CATSPERT: variants seen among roughly 807,000 people sequenced by gnomAD.
CATSPERT encodes the protein catsper channel auxiliary subunit tau.
chr2:201,553,308 A>G, the CATSPERT span: 1 of 152,206 alleles, frequency 6.6e-6, no homozygotes. Flanking sequence ...GCAAACATAT[A>G]CTTCAAGCTC....
the CATSPERT span, among the ~76,000 whole-genome samples, chr2:201,513,068 A>C: frequency 6.6e-6 from 1 of 151,616 alleles, no homozygotes; most frequent in Middle Eastern, 3.2e-3. Flanking sequence ...GTACCCTAAA[A>C]CTTAAAGTAT....
At chr2:201,615,368 A>G in the CATSPERT span, among the ~76,000 whole-genome samples, 2 of 152,264 alleles carry the variant, frequency 1.3e-5, no homozygotes, top group Non-Finnish European at 2.9e-5. Flanking sequence ...CTCAGACCAC[A>G]GCATAATCAA....
the CATSPERT span, among the ~76,000 whole-genome samples, chr2:201,602,293 T>A: frequency 6.6e-6 from 1 of 152,160 alleles, no homozygotes; most frequent in Non-Finnish European, 1.5e-5. Flanking sequence ...TCTAATTCAC[T>A]TAAGAATATA....
At chr2:201,580,375 G>GT in the CATSPERT span, among the ~76,000 whole-genome samples, 1 of 152,112 alleles carries the variant, frequency 6.6e-6, no homozygotes, top group Admixed American at 6.6e-5. Context: ...TTACCTAATG[G>GT]TTTTTAGTGC....
At chr2:201,616,982 C>T in the CATSPERT span, among the ~76,000 whole-genome samples, 2 of 152,188 alleles carry the variant, frequency 1.3e-5, no homozygotes, top group Non-Finnish European at 1.5e-5. Flanking sequence ...AATAAAATAC[C>T]TAGGAATCCA....
the CATSPERT span, among the ~76,000 whole-genome samples, chr2:201,488,749 G>A: frequency 5.9e-5 from 9 of 152,216 alleles, no homozygotes; most frequent in East Asian, 1.7e-3. Context: ...GGAACATTGG[G>A]CAGGACTAAT....
At chr2:201,543,717 C>T in the CATSPERT span, among the ~76,000 whole-genome samples, 1 of 152,050 alleles carries the variant, frequency 6.6e-6, no homozygotes, top group Non-Finnish European at 1.5e-5. Flanking sequence ...TGCAACTTTA[C>T]TGAATTCATG....
At chr2:201,507,529 T>C in the CATSPERT span, among the ~76,000 whole-genome samples, 3,427 of 152,264 alleles carry the variant, frequency 0.023, 61 homozygotes, top group Middle Eastern at 0.068. Context: ...AAAAAGCAGA[T>C]ATGTGTGTTC....
At chr2:201,525,745 G>A in the CATSPERT span, among the ~76,000 whole-genome samples, 1 of 152,000 alleles carries the variant, frequency 6.6e-6, no homozygotes, top group Non-Finnish European at 1.5e-5. Flanking sequence ...GAAAAAGAGA[G>A]AAGATCCAAA....
chr2:201,497,928 AT>A, the CATSPERT span, among the ~76,000 whole-genome samples: 1 of 152,216 alleles, frequency 6.6e-6, no homozygotes, highest in African/African-American at 2.4e-5. Flanking sequence ...AGCTACCAGG[AT>A]CTAGAACTTT....
At chr2:201,601,963 G>T in the CATSPERT span, 3 of 1,041,646 alleles carry the variant, frequency 2.9e-6, no homozygotes, top group African/African-American at 1.6e-5. Flanking sequence ...TACATTAAAC[G>T]ATTCAGACCA....
the CATSPERT span, among the ~76,000 whole-genome samples, chr2:201,524,337 G>T: frequency 6.6e-6 from 1 of 152,110 alleles, no homozygotes; most frequent in Non-Finnish European, 1.5e-5. Context: ...TTAAAGAAAA[G>T]AAATTCCAAC....
the CATSPERT span, among the ~76,000 whole-genome samples, chr2:201,544,507 A>T: frequency 6.6e-6 from 1 of 151,298 alleles, no homozygotes; most frequent in Non-Finnish European, 1.5e-5. Context: ...TGCTAATCTA[A>T]TTTCCTCTCC....
chr2:201,511,866 A>AC, the CATSPERT span: 76 of 150,898 alleles, frequency 5.0e-4, no homozygotes, highest in African/African-American at 1.6e-3. Context: ...AAAAAAAAAA[A>AC]AAAAAAACTC....
At chr2:201,506,109 T>C in the CATSPERT span, among the ~76,000 whole-genome samples, 1 of 151,872 alleles carries the variant, frequency 6.6e-6, no homozygotes, top group Admixed American at 6.6e-5. Flanking sequence ...CTACTAAAAA[T>C]ACAAAAAATT....
chr2:201,533,066 C>G, the CATSPERT span, among the ~76,000 whole-genome samples: 40 of 152,186 alleles, frequency 2.6e-4, no homozygotes, highest in East Asian at 7.7e-3. Context: ...GCCACAGCAC[C>G]CTGACTCTCA....
the CATSPERT span, among the ~76,000 whole-genome samples, chr2:201,579,637 T>A: frequency 6.6e-6 from 1 of 152,000 alleles, no homozygotes; most frequent in Non-Finnish European, 1.5e-5. Flanking sequence ...ATGTGTTGTA[T>A]CTCTTTAAAT....
the CATSPERT span, chr2:201,618,837 C>T: frequency 2.5e-5 from 38 of 1,516,786 alleles, no homozygotes; most frequent in South Asian, 3.9e-4. Context: ...ATCCTTTCAC[C>T]ACCCTCCAGG....
At chr2:201,493,861 G>T in the CATSPERT span, 18 of 1,536,482 alleles carry the variant, frequency 1.2e-5, no homozygotes, top group Non-Finnish European at 1.5e-5. Context: ...TCTCTCATCA[G>T]CTTCGAAGTG....
Sources: allele counts gnomAD v4.1 joint callset (sites outside exome capture counted in the v4.1 genomes callset), GRCh38; gene constraint gnomAD v4.1.1; transcripts MANE v1.5; gene names NCBI Gene and HGNC (gene_info 2026-07-23, HGNC 2026-07-21).